RSPH4A: variants seen among roughly 807,000 people sequenced by gnomAD.
RSPH4A encodes radial spoke head component 4A, also known as radial spoke head protein 4 homolog A.
In RSPH4A, 47 loss-of-function variants were observed where a neutral mutation model predicts 71.0. The observed-to-expected ratio is 0.66, with a 90% confidence interval of 0.52 to 0.84. RSPH4A has a LOEUF of 0.84. RSPH4A is among the 40% of genes least tolerant of loss of function. The probability of loss-of-function intolerance (pLI) is 0.00; values close to 1 mark genes in which losing one functional copy is unlikely to be tolerated. For missense variants in RSPH4A, 793 were observed against 855.2 expected (o/e 0.93, Z 0.91); for synonymous variants, 282 against 302.3 (o/e 0.93, Z 0.70).
At position 116,628,369 on chromosome 6, in the gene RSPH4A, G is replaced by C; in HGVS notation, c.1662G>C (p.Gln554His). 1.9e-6 allele frequency: 3 copies of C among 1,609,580 alleles called. No individual in the cohort carries two copies. Among genetic ancestry groups the C allele is most frequent in the Non-Finnish European group, 2.5e-6 (3 of 1,176,506 alleles). Reference sequence around the variant, plus strand: ...ATCATGTACAGCATATTCTCTCTCAGGTAGGAGCTTTGCACTTCTCAATCT... The same window carrying C: ...ATCATGTACAGCATATTCTCTCTCACGTAGGAGCTTTGCACTTCTCAATCT... ...WVHHVQHILS[Q>H]GRCNWFNSIQ... Residue 554 changes from glutamine (Q) to histidine (H), a missense_variant and splice_region_variant, in exon 3 of 6, where the codon CAG (glutamine) becomes CAC (histidine). Gln to His is a conservative substitution (Grantham distance 24, BLOSUM62 0). Transcript: ENST00000229554.
chr6:116,625,042 T>C (rs1200859341), intron 2 of RSPH4A, among the ~76,000 whole-genome samples: 2 of 152,138 alleles, frequency 1.3e-5, no homozygotes, highest in Non-Finnish European at 2.9e-5. Context: ...GAGGCTAAAC[T>C]TTCCAAGCCT....
At chr6:116,629,815 G>A in intron 4 of RSPH4A, 113 bp downstream of exon 4, 2 of 935,070 alleles carry the variant, frequency 2.1e-6, no homozygotes, top group East Asian at 2.4e-5. Flanking sequence ...CAGGAGCCAA[G>A]GTCTCATCCT....
chr6:116,629,114 T>C (rs1775750339), intron 3 of RSPH4A, among the ~76,000 whole-genome samples: 1 of 152,186 alleles, frequency 6.6e-6, no homozygotes, highest in African/African-American at 2.4e-5. Flanking sequence ...TTGATCTAGA[T>C]AAGAGATACT....
rs1276441013 is a variant in RSPH4A at position 116,628,352 on chromosome 6, C to G, written c.1645C>G (p.Gln549Glu). The change falls in exon 3 of 6, where the codon CAG becomes GAG. Residue 549 changes from glutamine to glutamate, a missense_variant. Coordinates refer to ENST00000229554, the MANE Select transcript of RSPH4A (RefSeq NM_001010892.3). ...CCTATCCAATTGGGTTCATCATGTA[C>G]AGCATATTCTCTCTCAGGTAGGAGC... ...ESLSNWVHHV[Q>E]HILSQGRCNW... is the part of the protein sequence containing the mutation. 1.9e-6 allele frequency: 3 copies of G among 1,612,218 alleles called. No homozygotes were observed. Among genetic ancestry groups the G allele is most frequent in the African/African-American group, 1.3e-5 (1 of 74,826 alleles).
chr6:116,625,050 CCTTAAGGATAATCAAGTGG>C (rs11269665), intron 2 of RSPH4A, among the ~76,000 whole-genome samples: 104,388 of 151,300 alleles, frequency 0.69, 37,698 homozygotes, highest in African/African-American at 0.92. Context: ...ACTTTCCAAG[CCTTAAGGATAATCAAGTGG>C]CTTAAGGATA....
chr6:116,628,596 A>G (rs1161125501), intron 3 of RSPH4A, among the ~76,000 whole-genome samples: 5 of 152,144 alleles, frequency 3.3e-5, no homozygotes, highest in Admixed American at 6.5e-5. Context: ...AACAGACTTT[A>G]TTTTCTATTT....
rs200149193 is a variant in RSPH4A, at chr6:116,616,823, C to T, written c.200C>T (p.Ala67Val). 37 of 1,614,142 alleles carry T rather than the reference C, an allele frequency of 2.3e-5. No individual in the cohort carries two copies. The Admixed American group carries it at 6.0e-4, about 26-fold the overall frequency. ...CGTCCTTGGAGCCCGCAGTCTAGAGCCAAGACGCCTCTGGGTGGCCCCGCG... is the reference window on the plus strand; with the variant it reads ...CGTCCTTGGAGCCCGCAGTCTAGAGTCAAGACGCCTCTGGGTGGCCCCGCG... The part of the protein sequence containing the change: ...SSRPWSPQSR[A>V]KTPLGGPAGP... Residue 67 changes from alanine to valine, a missense_variant, in exon 1 of 6, where the codon GCC becomes GTC. Ala to Val is a moderately conservative substitution (Grantham distance 64). Coordinates refer to ENST00000229554, the MANE Select transcript of RSPH4A (RefSeq NM_001010892.3).
chr6:116,622,854 A>T lies in RSPH4A; in HGVS notation c.773A>T (p.Asp258Val). ...AVDIFENISQDVKMAHFSKKF... is the reference protein window; with the variant it reads ...AVDIFENISQVVKMAHFSKKF... ...GACATCTTTGAAAATATTAGCCAAG[A>T]TGTGAAGATGGCACATTTTAGTAAA... The change falls in exon 2 of 6, where the codon GAT becomes GTT. Residue 258 changes from aspartate (D) to valine (V), a missense_variant. Physicochemically the swap from Asp to Val is radical, Grantham distance 152. Coordinates refer to ENST00000229554, the MANE Select transcript of RSPH4A (RefSeq NM_001010892.3). The T allele has an allele frequency of 6.2e-7, 1 of 1,613,282 alleles. No individual in the cohort carries two copies. The highest frequency in any genetic ancestry group is 8.5e-7 in the Non-Finnish European group (1 of 1,179,246).
chr6:116,623,819 T>C (rs1775651824), intron 2 of RSPH4A, among the ~76,000 whole-genome samples: 1 of 152,188 alleles, frequency 6.6e-6, no homozygotes, highest in African/African-American at 2.4e-5. Flanking sequence ...TGGGATGTAA[T>C]ACAAGAGGAG....
At chr6:116,626,769 T>G (rs937544508) in intron 2 of RSPH4A, among the ~76,000 whole-genome samples, 2 of 152,224 alleles carry the variant, frequency 1.3e-5, no homozygotes, top group Admixed American at 6.5e-5. Flanking sequence ...AGAAGGAGCA[T>G]CTGACTACAT....
Position 116,632,517 on chromosome 6 carries a change from T to G in RSPH4A, c.*76T>G. 6.5e-7 allele frequency: 1 copy of G among 1,545,600 alleles called. No homozygotes were observed. Among genetic ancestry groups the G allele is most frequent in the Non-Finnish European group, 8.7e-7 (1 of 1,142,950 alleles). On this transcript the variant is annotated 3_prime_UTR_variant, in exon 6 of 6. Coordinates refer to ENST00000229554, the MANE Select transcript of RSPH4A (RefSeq NM_001010892.3). ...TTATATGGGACTAATTTTACACTTT[T>G]CTGTGTTATGTGTGTATATACATAC...
chr6:116,629,532 A>AT (rs762533480), intron 3 of RSPH4A, 35 bp from the exon 4 acceptor site: 15 of 1,608,774 alleles, frequency 9.3e-6, no homozygotes, highest in Non-Finnish European at 1.3e-5. Context: ...TAAGGTCCCC[A>AT]TTAGACTACT....
chr6:116,625,065 AGTGGCTT>A lies in RSPH4A; in HGVS notation c.921+2064_921+2070del, dbSNP rs1479686933. Among the ~76,000 whole-genome samples the A allele has an allele frequency of 1.6e-4, 3 of 18,490 alleles. No individual in the cohort carries two copies. The African/African-American group carries it at 6.2e-3, about 38-fold the overall frequency. 12.1% of individuals were successfully genotyped at this position (18,490 alleles called of 152,430 possible). A position where few individuals can be genotyped will look rare whatever the true frequency, so the allele number is the denominator to read the frequency against. ...ACTTTCCAAGCCTTAAGGATAATCA[AGTGGCTT>A]AAGGATAATCAAGTGGCTAAACCCT... On this transcript the variant is annotated intron_variant, in intron 2 of 5. Transcript: ENST00000229554.
intron 2 of RSPH4A, among the ~76,000 whole-genome samples, chr6:116,627,091 C>T (rs1345177318): frequency 1.3e-5 from 2 of 152,104 alleles, no homozygotes; most frequent in Non-Finnish European, 2.9e-5. Context: ...AAAATATACA[C>T]ATAAACAAGG....
chr6:116,618,308 A>AT (rs1380914885), intron 1 of RSPH4A, among the ~76,000 whole-genome samples: 1 of 152,160 alleles, frequency 6.6e-6, no homozygotes, highest in African/African-American at 2.4e-5. Flanking sequence ...GTCATTTATA[A>AT]TTTTTTATAC....
At position 116,623,104 on chromosome 6, in the gene RSPH4A, T is replaced by TGTTTTGTTTTGTTTC. The variant is rs1775638761; in HGVS notation, c.921+116_921+117insCGTTTTGTTTTGTTT. The TGTTTTGTTTTGTTTC allele has an allele frequency of 5.6e-6, 4 of 710,628 alleles. No homozygotes were observed. The Admixed American group carries it at 9.2e-5, about 16-fold the overall frequency. 44.0% of individuals were successfully genotyped at this position (710,628 alleles called of 1,614,324 possible). A position where few individuals can be genotyped will look rare whatever the true frequency, so the allele number is the denominator to read the frequency against. On this transcript the variant is annotated intron_variant, in intron 2 of 5. Transcript: ENST00000229554. ...ACCAACTGTATTTTATAGCTTGTTT[T>TGTTTTGTTTTGTTTC]GTTTTGTTTTGTTTTGTTTTGTTTA...
chr6:116,627,749 C>T lies in RSPH4A; in HGVS notation c.1042C>T (p.His348Tyr), dbSNP rs1448027492. The change falls in exon 3 of 6, where the codon CAC becomes TAC. Residue 348 changes from histidine to tyrosine, a missense_variant. His to Tyr is a moderately conservative substitution (Grantham distance 83, BLOSUM62 2). Coordinates refer to ENST00000229554, the MANE Select transcript of RSPH4A (RefSeq NM_001010892.3). Reference sequence around the variant, plus strand: ...TGCCCTCAAGCAGCTTACTGATACCCACCCAATCCAAAGATGCCGCTTCTG... The same window carrying T: ...TGCCCTCAAGCAGCTTACTGATACCTACCCAATCCAAAGATGCCGCTTCTG... ...FLALKQLTDTHPIQRCRFWGK... is the reference protein window; with the variant it reads ...FLALKQLTDTYPIQRCRFWGK... 6.2e-7 allele frequency: 1 copy of T among 1,614,146 alleles called. No individual in the cohort carries two copies. Among genetic ancestry groups the T allele is most frequent in the Non-Finnish European group, 8.5e-7 (1 of 1,180,022 alleles).
intron 3 of RSPH4A, among the ~76,000 whole-genome samples, chr6:116,628,771 C>A (rs1257208839): frequency 1.3e-5 from 2 of 151,854 alleles, no homozygotes; most frequent in Non-Finnish European, 2.9e-5. Flanking sequence ...GCTTTTGTGC[C>A]AAGAACAATA....
intron 5 of RSPH4A, among the ~76,000 whole-genome samples, chr6:116,630,847 ATTTTTT>A (rs10694358): frequency 1.1e-5 from 1 of 87,614 alleles, no homozygotes; most frequent in Non-Finnish European, 2.1e-5. Flanking sequence ...TAATTTTTGT[ATTTTTT>A]TTTTTTTTTT....
Sources: allele counts gnomAD v4.1 joint callset (sites outside exome capture counted in the v4.1 genomes callset), GRCh38; gene constraint gnomAD v4.1.1; transcripts MANE v1.5; gene names NCBI Gene and HGNC (gene_info 2026-07-23, HGNC 2026-07-21).